Variants in NCKAP5 observed in about 807,000 individuals in gnomAD.
NCKAP5 encodes the protein NCK associated protein 5.
Under a neutral mutation model 167.0 loss-of-function variants are expected in NCKAP5, and 92 were observed. That is an observed-to-expected ratio of 0.55 (90% CI 0.47 to 0.66). The LOEUF (loss-of-function observed/expected upper bound fraction) is 0.66. Among genes scored for constraint, NCKAP5 ranks in the 30% least tolerant of loss-of-function variants. The pLI is 0.00. For missense variants in NCKAP5, 2,378 were observed against 2,315.0 expected, an observed-to-expected ratio of 1.03 and a Z score of -0.56; for synonymous variants, 891 against 877.4, an observed-to-expected ratio of 1.02 and a Z score of -0.27.
chr2:133,286,298 T>C (rs1261292437), intron 4 of NCKAP5, among the ~76,000 whole-genome samples: 1 of 152,180 alleles, frequency 6.6e-6, no homozygotes, highest in Non-Finnish European at 1.5e-5. Flanking sequence ...GCCCGGCCTC[T>C]TCTGTGACTT....
At chr2:133,563,564 T>TAAAAAAAA (rs57901498) in intron 1 of NCKAP5, among the ~76,000 whole-genome samples, 17 of 53,012 alleles carry the variant, frequency 3.2e-4, no homozygotes, top group East Asian at 7.7e-4. Context: ...AAAGACTCCA[T>TAAAAAAAA]AAAAAAAAAA....
intron 6 of NCKAP5, among the ~76,000 whole-genome samples, chr2:133,089,917 A>C (rs542892477): frequency 1.3e-5 from 2 of 152,312 alleles, no homozygotes; most frequent in South Asian, 4.1e-4. Flanking sequence ...GTTTCTACAG[A>C]GGAGCCAAAA....
intron 11 of NCKAP5, among the ~76,000 whole-genome samples, chr2:132,821,993 A>G (rs1449288640): frequency 1.3e-5 from 2 of 152,092 alleles, no homozygotes; most frequent in African/African-American, 4.8e-5. Context: ...CCCACCCATT[A>G]CCTGAAAAAC....
intron 19 of NCKAP5, among the ~76,000 whole-genome samples, chr2:132,705,267 T>TA (rs76708104): frequency 0.23 from 35,453 of 151,684 alleles, 5,123 homozygotes; most frequent in Non-Finnish European, 0.32. Context: ...CTCTCATCCT[T>TA]AAAAAAAACC....
intron 8 of NCKAP5, among the ~76,000 whole-genome samples, chr2:132,941,587 C>T (rs1697302304): frequency 6.6e-6 from 1 of 152,138 alleles, no homozygotes; most frequent in Admixed American, 6.5e-5. Context: ...TAAGATAAAC[C>T]AGGGAGAAGC....
At chr2:132,681,962 C>T (rs1685290617) in intron 19 of NCKAP5, among the ~76,000 whole-genome samples, 1 of 152,114 alleles carries the variant, frequency 6.6e-6, no homozygotes, top group Non-Finnish European at 1.5e-5. Context: ...AATGTTTGCT[C>T]CACTGATGTG....
chr2:133,491,175 G>A (rs1381927861), intron 3 of NCKAP5, among the ~76,000 whole-genome samples: 1 of 152,136 alleles, frequency 6.6e-6, no homozygotes, highest in African/African-American at 2.4e-5. Flanking sequence ...TTTATGGTTT[G>A]CCATGTTAGG....
chr2:133,359,560 T>C (rs1684960457), intron 3 of NCKAP5, among the ~76,000 whole-genome samples: 1 of 152,210 alleles, frequency 6.6e-6, no homozygotes, highest in African/African-American at 2.4e-5. Flanking sequence ...TGAATATCTA[T>C]AAGCAAAAGT....
intron 6 of NCKAP5, among the ~76,000 whole-genome samples, chr2:133,128,465 TCACCTA>T (rs1182427710): frequency 2.6e-5 from 4 of 152,198 alleles, no homozygotes; most frequent in Admixed American, 2.0e-4. Context: ...GTTTGAACCA[TCACCTA>T]CCCTCATATT....
chr2:133,391,621 A>G (rs1430725832), intron 3 of NCKAP5, among the ~76,000 whole-genome samples: 1 of 152,170 alleles, frequency 6.6e-6, no homozygotes, highest in Non-Finnish European at 1.5e-5. Context: ...CTTGCTCCCC[A>G]GCCCTCTTCC....
intron 6 of NCKAP5, among the ~76,000 whole-genome samples, chr2:133,120,106 T>C (rs1164303839): frequency 6.6e-6 from 1 of 152,186 alleles, no homozygotes; most frequent in Non-Finnish European, 1.5e-5. Flanking sequence ...AGAAAATGCA[T>C]GCTGTCAGTT....
At chr2:133,496,166 G>C (rs1401843676) in intron 3 of NCKAP5, among the ~76,000 whole-genome samples, 2 of 151,988 alleles carry the variant, frequency 1.3e-5, no homozygotes, top group Non-Finnish European at 2.9e-5. Flanking sequence ...GATTACGAAG[G>C]GATTACAAAG....
chr2:132,959,053 T>A lies in NCKAP5; in HGVS notation c.579+4667A>T, dbSNP rs1305708080. 2.0e-5 allele frequency among the ~76,000 whole-genome samples: 3 copies of A among 147,214 alleles called. No homozygotes were observed. In the East Asian group the frequency reaches 5.8e-4, roughly 29 times the overall value. Reference sequence around the variant, plus strand: ...TTACTATTATTAAATATTATATTATTTATATATAAATATATTAATAATATA... The same window carrying A: ...TTACTATTATTAAATATTATATTATATATATATAAATATATTAATAATATA... On this transcript the variant is annotated intron_variant, in intron 8 of 19. Coordinates refer to ENST00000409261, the MANE Select transcript of NCKAP5 (RefSeq NM_207363.3).
chr2:133,005,433 T>G (rs2077931483), intron 6 of NCKAP5, among the ~76,000 whole-genome samples: 1 of 152,214 alleles, frequency 6.6e-6, no homozygotes, highest in African/African-American at 2.4e-5. Flanking sequence ...TAATACATAG[T>G]CAATAGTTAA....
chr2:133,052,621 G>A (rs938508357), intron 6 of NCKAP5, among the ~76,000 whole-genome samples: 1 of 151,954 alleles, frequency 6.6e-6, no homozygotes, highest in Non-Finnish European at 1.5e-5. Flanking sequence ...AAGAGACTCA[G>A]GCAGGAGAAT....
At chr2:132,706,972 A>G (rs1194159450) in intron 19 of NCKAP5, among the ~76,000 whole-genome samples, 1 of 152,220 alleles carries the variant, frequency 6.6e-6, no homozygotes, top group African/African-American at 2.4e-5. Context: ...AGATGGATGA[A>G]TAGATGCCTC....
intron 4 of NCKAP5, among the ~76,000 whole-genome samples, chr2:133,238,270 T>G (rs2087515962): frequency 6.6e-6 from 1 of 152,216 alleles, no homozygotes; most frequent in African/African-American, 2.4e-5. Flanking sequence ...GTGGCTCATG[T>G]GCTTGAGGCT....
intron 5 of NCKAP5, among the ~76,000 whole-genome samples, chr2:133,164,539 C>T (rs2083924919): frequency 6.6e-6 from 1 of 152,186 alleles, no homozygotes; most frequent in South Asian, 2.1e-4. Context: ...CACCTTACAA[C>T]ACAATTGTAT....
rs1682973478 is a variant in NCKAP5, at chr2:132,780,903, C to A, written c.5049+149G>T. The A allele has an allele frequency of 3.5e-6, 3 of 856,988 alleles. No homozygotes were observed. The East Asian group carries it at 8.3e-5, about 24-fold the overall frequency. The allele number at this position is 856,988 out of a possible 1,614,324, so 53.1% of individuals were successfully genotyped here. A position where few individuals can be genotyped will look rare whatever the true frequency, so the allele number is the denominator to read the frequency against. On this transcript the variant is annotated intron_variant, in intron 15 of 19. Coordinates refer to ENST00000409261, the MANE Select transcript of NCKAP5 (RefSeq NM_207363.3). Reference sequence around the variant, plus strand: ...TGCTGCAGTTGTCACCAGGATTTCGCTCTCTTTTTACAAATCCTTTTTCAC... The same window carrying A: ...TGCTGCAGTTGTCACCAGGATTTCGATCTCTTTTTACAAATCCTTTTTCAC...
Sources: allele counts gnomAD v4.1 joint callset (sites outside exome capture counted in the v4.1 genomes callset), GRCh38; gene constraint gnomAD v4.1.1; transcripts MANE v1.5; gene names NCBI Gene and HGNC (gene_info 2026-07-23, HGNC 2026-07-21).